Variants in SENP7 observed in about 807,000 individuals in gnomAD.
SENP7 encodes the protein SUMO specific peptidase 7, also known as sentrin-specific protease 7.
Under a neutral mutation model 141.2 loss-of-function variants are expected in SENP7, and 64 were observed. The observed-to-expected ratio is 0.45, with a 90% CI of 0.37 to 0.56. SENP7 has a LOEUF of 0.56. SENP7 is among the 20% of genes least tolerant of loss of function. The probability of loss-of-function intolerance (pLI) is 0.00; values close to 1 mark genes in which losing one functional copy is unlikely to be tolerated. For missense variants in SENP7, 1,025 were observed against 1,212.2 expected, an observed-to-expected ratio of 0.85 and a Z score of 2.29; for synonymous variants, 382 against 426.4, an observed-to-expected ratio of 0.90 and a Z score of 1.28.
At chr3:101,422,190 T>A (rs756989381) in intron 4 of SENP7, among the ~76,000 whole-genome samples, 40 of 152,284 alleles carry the variant, frequency 2.6e-4, no homozygotes, top group Admixed American at 1.4e-3. Context: ...GAGAATCTAA[T>A]GCCTGATGAT....
intron 3 of SENP7, among the ~76,000 whole-genome samples, chr3:101,465,840 A>G (rs2063740760): frequency 6.6e-6 from 1 of 152,170 alleles, no homozygotes; most frequent in Admixed American, 6.5e-5. Context: ...AAAAATCAAA[A>G]TTCTGATACA....
At chr3:101,396,639 A>G (rs2060975879) in intron 6 of SENP7, among the ~76,000 whole-genome samples, 1 of 152,192 alleles carries the variant, frequency 6.6e-6, no homozygotes, top group Non-Finnish European at 1.5e-5. Flanking sequence ...TCTGTTTACA[A>G]CTCAGAAAAC....
intron 10 of SENP7, among the ~76,000 whole-genome samples, chr3:101,364,575 TAA>T (rs965979308): frequency 4.6e-5 from 7 of 151,956 alleles, no homozygotes; most frequent in African/African-American, 1.7e-4. Context: ...ATGAAAGCCA[TAA>T]AAAAAGAAAA....
At position 101,502,595 on chromosome 3, in the gene SENP7, T is replaced by C. The variant is rs2065431401; in HGVS notation, c.41-1476A>G. Among the ~76,000 whole-genome samples, 5 of 145,130 alleles carry C rather than the reference T, an allele frequency of 3.4e-5. No individual in the cohort carries two copies. The South Asian group carries it at 1.2e-3, about 36-fold the overall frequency. On this transcript the variant is annotated intron_variant, in intron 1 of 23. Transcript: ENST00000394095. Reference sequence around the variant, plus strand: ...ACAGGCATGAGCCACCGCGCCTGGCTGGATTTGCTTTGAAAAAGAAAAAAG... The same window carrying C: ...ACAGGCATGAGCCACCGCGCCTGGCCGGATTTGCTTTGAAAAAGAAAAAAG...
At chr3:101,456,032 C>T (rs1306647363) in intron 4 of SENP7, among the ~76,000 whole-genome samples, 1 of 152,138 alleles carries the variant, frequency 6.6e-6, no homozygotes, top group African/African-American at 2.4e-5. Context: ...TACCATACAA[C>T]AGAGATACTT....
intron 4 of SENP7, among the ~76,000 whole-genome samples, chr3:101,448,867 C>A (rs2063002344): frequency 6.6e-6 from 1 of 152,166 alleles, no homozygotes; most frequent in African/African-American, 2.4e-5. Context: ...CGGAACAAAG[C>A]TGGACAGAGA....
chr3:101,371,750 C>CA (rs1206955711), intron 7 of SENP7, among the ~76,000 whole-genome samples: 3 of 152,024 alleles, frequency 2.0e-5, no homozygotes, highest in Non-Finnish European at 4.4e-5. Flanking sequence ...AACATAACTT[C>CA]ATAGCTATAT....
chr3:101,491,016 C>CAT (rs1322103808), intron 3 of SENP7, among the ~76,000 whole-genome samples: 2 of 151,756 alleles, frequency 1.3e-5, no homozygotes, highest in East Asian at 1.9e-4. Context: ...AGTATAAACC[C>CAT]ATATATATGG....
At chr3:101,481,456 G>A (rs1363032169) in intron 3 of SENP7, among the ~76,000 whole-genome samples, 4 of 152,072 alleles carry the variant, frequency 2.6e-5, no homozygotes, top group Non-Finnish European at 5.9e-5. Flanking sequence ...GAAGGTAGAG[G>A]GTAGAATTAT....
intron 16 of SENP7, among the ~76,000 whole-genome samples, chr3:101,338,417 C>G (rs2059245343): frequency 2.0e-5 from 3 of 152,168 alleles, no homozygotes; most frequent in Non-Finnish European, 4.4e-5. Flanking sequence ...TAGTCCATTT[C>G]TGTACTAAAA....
intron 6 of SENP7, among the ~76,000 whole-genome samples, chr3:101,391,933 T>C (rs576130201): frequency 1.3e-5 from 2 of 152,214 alleles, no homozygotes; most frequent in East Asian, 3.9e-4. Flanking sequence ...AAATCAATAA[T>C]TGTGATACCT....
intron 19 of SENP7, 69 bp downstream of exon 19, chr3:101,331,916 T>C (rs2059065719): frequency 2.0e-6 from 3 of 1,511,124 alleles, no homozygotes; most frequent in Non-Finnish European, 2.7e-6. Context: ...GTTAACTTCA[T>C]TTTCTTCCCT....
intron 11 of SENP7, chr3:101,357,726 C>G: frequency 1.5e-6 from 1 of 675,992 alleles, no homozygotes; most frequent in Non-Finnish European, 2.7e-6. Flanking sequence ...TTTTCAAAGT[C>G]AAACAGACAT....
chr3:101,435,023 A>G (rs2062330085), intron 4 of SENP7, among the ~76,000 whole-genome samples: 1 of 152,178 alleles, frequency 6.6e-6, no homozygotes, highest in African/African-American at 2.4e-5. Context: ...AATCCTCAAC[A>G]AAATACTAGC....
intron 5 of SENP7, 35 bp from the exon 6 acceptor site, chr3:101,399,090 GA>G: frequency 7.6e-7 from 1 of 1,318,134 alleles, no homozygotes; most frequent in Non-Finnish European, 1.0e-6. Flanking sequence ...GTACTGTACT[GA>G]AGTTTTCAGT....
chr3:101,343,396 T>C (rs1357093235), intron 14 of SENP7, among the ~76,000 whole-genome samples: 3 of 152,214 alleles, frequency 2.0e-5, no homozygotes, highest in African/African-American at 7.2e-5. Context: ...TGGATTTTTT[T>C]CTAAGATATA....
rs532551703 is a variant in SENP7, at chr3:101,351,191, A to G, written c.1657+427T>C. On this transcript the variant is annotated intron_variant, in intron 12 of 23. Transcript: ENST00000394095. The stretch of plus-strand genomic sequence containing the variant: ...GAATGAGAAAATGGTGTGAGTCTCT[A>G]TAAGTTACAGGTACATTTTCCAGTC... Among the ~76,000 whole-genome samples, 4 of 152,158 alleles carry G rather than the reference A, an allele frequency of 2.6e-5. No individual in the cohort carries two copies. The East Asian group carries it at 5.8e-4, about 22-fold the overall frequency.
At chr3:101,429,720 T>A (rs1010618271) in intron 4 of SENP7, among the ~76,000 whole-genome samples, 1 of 152,154 alleles carries the variant, frequency 6.6e-6, no homozygotes, top group African/African-American at 2.4e-5. Context: ...GAACTTCCAA[T>A]ACTACGTTGA....
chr3:101,382,642 A>T, intron 6 of SENP7, among the ~76,000 whole-genome samples: 1 of 152,372 alleles, frequency 6.6e-6, no homozygotes, highest in East Asian at 1.9e-4. Context: ...TTCTTAATAA[A>T]TATTTATAAT....
Sources: allele counts gnomAD v4.1 joint callset (sites outside exome capture counted in the v4.1 genomes callset), GRCh38; gene constraint gnomAD v4.1.1; transcripts MANE v1.5; gene names NCBI Gene and HGNC (gene_info 2026-07-23, HGNC 2026-07-21).